DLG2: variants seen among roughly 807,000 people sequenced by gnomAD.
The protein encoded by DLG2 is disks large homolog 2.
Under a neutral mutation model 132.5 loss-of-function variants are expected in DLG2, and 45 were observed. The ratio of observed to expected loss-of-function variants is 0.34; its 90% confidence interval spans 0.27 to 0.44. The LOEUF (loss-of-function observed/expected upper bound fraction) is 0.44. DLG2 is among the 20% of genes least tolerant of loss of function. The pLI, the probability that DLG2 is intolerant of heterozygous loss-of-function variation, is 1.00. For synonymous variants in DLG2, 424 were observed against 419.6 expected (o/e 1.01, Z -0.13); for missense variants, 1,045 against 1,196.9 (o/e 0.87, Z 1.87).
chr11:85,357,707 TATATATATATATATATATATATA>T lies in DLG2; in HGVS notation c.41-72365_41-72343del, dbSNP rs1565373527. ...ATACGCCAGGCACTGTTCTGAATTA[TATATATATATATATATATATATA>T]TATATATATATATATATATATATAT... On this transcript the variant is annotated intron_variant, in intron 3 of 27. Transcript: ENST00000376104. 1.7e-3 allele frequency among the ~76,000 whole-genome samples: 5 copies of T among 2,868 alleles called. No homozygotes were observed. The Non-Finnish European group carries it at 0.045, about 26-fold the overall frequency. 1.9% of individuals were successfully genotyped at this position (2,868 alleles called of 152,430 possible).
intron 6 of DLG2, among the ~76,000 whole-genome samples, chr11:84,943,391 T>C (rs2049753587): frequency 6.6e-6 from 1 of 152,030 alleles, no homozygotes; most frequent in South Asian, 2.1e-4. Context: ...CCTGCCTTCC[T>C]GCATTCCCAC....
intron 3 of DLG2, among the ~76,000 whole-genome samples, chr11:85,505,635 G>A (rs1473695762): frequency 6.6e-6 from 1 of 152,086 alleles, no homozygotes; most frequent in Non-Finnish European, 1.5e-5. Context: ...ATTTTATTGA[G>A]GATTTTTGCA....
intron 15 of DLG2, among the ~76,000 whole-genome samples, chr11:83,892,379 G>A (rs1181650903): frequency 1.3e-5 from 2 of 152,170 alleles, no homozygotes; most frequent in Non-Finnish European, 1.5e-5. Context: ...ATTTGTGGCT[G>A]TAAACAGCTT....
At chr11:84,558,732 C>T (rs1339497427) in intron 6 of DLG2, among the ~76,000 whole-genome samples, 2 of 152,292 alleles carry the variant, frequency 1.3e-5, no homozygotes, top group South Asian at 4.1e-4. Flanking sequence ...GCATAGTCCA[C>T]CTACGCCAAA....
chr11:84,550,056 T>C (rs892490024), intron 6 of DLG2, among the ~76,000 whole-genome samples: 1 of 151,770 alleles, frequency 6.6e-6, no homozygotes, highest in Non-Finnish European at 1.5e-5. Context: ...ACACCCAGCA[T>C]TCCTATTTCT....
intron 18 of DLG2, among the ~76,000 whole-genome samples, chr11:83,678,417 C>T (rs2078141347): frequency 1.3e-5 from 2 of 152,152 alleles, no homozygotes; most frequent in Admixed American, 1.3e-4. Flanking sequence ...GCTAGCCCTT[C>T]TTCTTTTTCA....
chr11:84,370,025 CATAA>C lies in DLG2; in HGVS notation c.520-118738_520-118735del, dbSNP rs558043128. On this transcript the variant is annotated intron_variant, in intron 7 of 27. Transcript: ENST00000376104. ...CCACTAAAACACCACAAATGAACAA[CATAA>C]ATAATTATAATGCTGAAGAGAGAGG... Among the ~76,000 whole-genome samples the C allele has an allele frequency of 1.3e-3, 196 of 152,222 alleles. 1 individual carries two copies. The highest frequency in any genetic ancestry group is 4.5e-3 in the African/African-American group (186 of 41,564).
chr11:84,826,489 T>C (rs1044245667), intron 6 of DLG2, among the ~76,000 whole-genome samples: 1 of 151,914 alleles, frequency 6.6e-6, no homozygotes, highest in African/African-American at 2.4e-5. Context: ...TGTGCTCCCA[T>C]TGCCAAACAA....
chr11:84,057,521 T>G (rs1395950985), intron 11 of DLG2, among the ~76,000 whole-genome samples: 1 of 152,196 alleles, frequency 6.6e-6, no homozygotes, highest in Non-Finnish European at 1.5e-5. Context: ...GACTGTGGCA[T>G]GAAAATGCTT....
intron 6 of DLG2, among the ~76,000 whole-genome samples, chr11:84,992,793 C>T (rs900427176): frequency 4.6e-5 from 7 of 152,056 alleles, no homozygotes; most frequent in African/African-American, 1.2e-4. Flanking sequence ...GATGTTAGAC[C>T]TTTGTCAGAT....
At chr11:83,914,453 T>G (rs1048916611) in intron 15 of DLG2, among the ~76,000 whole-genome samples, 1 of 152,160 alleles carries the variant, frequency 6.6e-6, no homozygotes, top group Non-Finnish European at 1.5e-5. Flanking sequence ...AGAGATCAAG[T>G]TATAACACCA....
chr11:83,936,109 AAAT>A (rs1344183511), intron 14 of DLG2, among the ~76,000 whole-genome samples: 1 of 152,218 alleles, frequency 6.6e-6, no homozygotes, highest in Non-Finnish European at 1.5e-5. Context: ...GAATTCCTAC[AAAT>A]AATATTCTTC....
At chr11:84,938,916 T>C (rs992775784) in intron 6 of DLG2, among the ~76,000 whole-genome samples, 1 of 152,238 alleles carries the variant, frequency 6.6e-6, no homozygotes, top group African/African-American at 2.4e-5. Context: ...TGTTTGCATT[T>C]CTTGAAGTAC....
chr11:85,410,340 A>T (rs551801548), intron 3 of DLG2, among the ~76,000 whole-genome samples: 113 of 151,856 alleles, frequency 7.4e-4, no homozygotes, highest in African/African-American at 2.7e-3. Context: ...TATATTTATT[A>T]GTATGAATAT....
intron 7 of DLG2, among the ~76,000 whole-genome samples, chr11:84,271,699 GACA>G (rs2097724696): frequency 6.6e-6 from 1 of 152,060 alleles, no homozygotes. Flanking sequence ...CTCAAGACAA[GACA>G]ACAACAACAC....
chr11:85,578,061 G>A (rs1297923664), intron 3 of DLG2, among the ~76,000 whole-genome samples: 1 of 152,094 alleles, frequency 6.6e-6, no homozygotes, highest in African/African-American at 2.4e-5. Context: ...AAGTGGAACA[G>A]AATAGAGAAC....
chr11:84,596,219 T>TC (rs1491578514), intron 6 of DLG2, among the ~76,000 whole-genome samples: 5 of 151,240 alleles, frequency 3.3e-5, no homozygotes, highest in African/African-American at 9.8e-5. Flanking sequence ...TCTCTCTCTC[T>TC]TTCTCTTGAC....
rs913691326 is a variant in DLG2, at chr11:83,458,060, A to C, written c.*1758T>G. 1 of 152,594 alleles carries C rather than the reference A, an allele frequency of 6.6e-6. No individual in the cohort carries two copies. Among genetic ancestry groups the C allele is most frequent in the Non-Finnish European group, 1.5e-5 (1 of 68,038 alleles). 9.5% of individuals were successfully genotyped at this position (152,594 alleles called of 1,614,324 possible). On this transcript the variant is annotated 3_prime_UTR_variant, in exon 28 of 28. Coordinates refer to ENST00000376104, the MANE Select transcript of DLG2 (RefSeq NM_001142699.3). ...GAAGCCCCATCACTCTGATGGCTCT[A>C]TCTCTTGCTCTCCTACCCAGCCTAC...
intron 6 of DLG2, among the ~76,000 whole-genome samples, chr11:85,028,421 C>T (rs1031917605): frequency 5.3e-5 from 8 of 152,130 alleles, no homozygotes; most frequent in East Asian, 3.9e-4. Flanking sequence ...GAGGCTTCAC[C>T]GGGAACCTAC....
Sources: allele counts gnomAD v4.1 joint callset (sites outside exome capture counted in the v4.1 genomes callset), GRCh38; gene constraint gnomAD v4.1.1; transcripts MANE v1.5; gene names NCBI Gene and HGNC (gene_info 2026-07-23, HGNC 2026-07-21).